Variants in FAM117B observed in about 807,000 individuals in gnomAD.
FAM117B encodes the protein family with sequence similarity 117 member B.
Under a neutral mutation model 52.8 loss-of-function variants are expected in FAM117B, and 22 were observed. That is an observed-to-expected ratio of 0.42 (90% confidence interval 0.30 to 0.59). The LOEUF (loss-of-function observed/expected upper bound fraction) is 0.59. FAM117B is among the 20% of genes least tolerant of loss of function. The pLI is 0.22. For missense variants in FAM117B, 678 were observed against 802.6 expected (o/e 0.84, Z 1.88); for synonymous variants, 309 against 324.1 (o/e 0.95, Z 0.50).
chr2:202,707,215 A>T (rs958632017), intron 2 of FAM117B, among the ~76,000 whole-genome samples: 19 of 144,398 alleles, frequency 1.3e-4, no homozygotes, highest in African/African-American at 4.3e-4. Flanking sequence ...CTAATTTTTA[A>T]TTTTTTTTTT....
At chr2:202,644,072 T>TTTTTTTTTTTTTTTTTTTTTTTTTA (rs1689819328) in intron 1 of FAM117B, among the ~76,000 whole-genome samples, 1 of 146,186 alleles carries the variant, frequency 6.8e-6, no homozygotes, top group Non-Finnish European at 1.5e-5. Flanking sequence ...TTGTTTTTTT[T>TTTTTTTTTTTTTTTTTTTTTTTTTA]TTTTTTTTTT....
intron 1 of FAM117B, among the ~76,000 whole-genome samples, chr2:202,665,875 A>C (rs1690197748): frequency 6.6e-6 from 1 of 152,220 alleles, no homozygotes; most frequent in Non-Finnish European, 1.5e-5. Flanking sequence ...TGCTGGGATT[A>C]CAGGCGTGAG....
At chr2:202,744,123 T>C (rs1411699913) in intron 4 of FAM117B, among the ~76,000 whole-genome samples, 1 of 152,046 alleles carries the variant, frequency 6.6e-6, no homozygotes, top group Non-Finnish European at 1.5e-5. Context: ...AAGAGAGAAG[T>C]GTCAAGTCAC....
intron 4 of FAM117B, among the ~76,000 whole-genome samples, chr2:202,746,666 CACAT>C (rs1272667777): frequency 1.3e-5 from 2 of 152,024 alleles, no homozygotes; most frequent in African/African-American, 2.4e-5. Context: ...ATTTCATTGA[CACAT>C]ACAGCCTACC....
At chr2:202,718,949 C>CG (rs982180003) in intron 2 of FAM117B, among the ~76,000 whole-genome samples, 1 of 152,136 alleles carries the variant, frequency 6.6e-6, no homozygotes, top group Non-Finnish European at 1.5e-5. Flanking sequence ...AGAAGCTCTT[C>CG]GAGAATAAGA....
At chr2:202,700,760 C>T (rs1024181964) in intron 2 of FAM117B, among the ~76,000 whole-genome samples, 1 of 149,826 alleles carries the variant, frequency 6.7e-6, no homozygotes, top group Non-Finnish European at 1.5e-5. Flanking sequence ...AGTCATAGCT[C>T]GGTACAACCT....
chr2:202,710,684 A>G (rs1319091496), intron 2 of FAM117B, among the ~76,000 whole-genome samples: 4 of 151,960 alleles, frequency 2.6e-5, no homozygotes, highest in Admixed American at 2.0e-4. Flanking sequence ...TTTTGTACCC[A>G]TTAACCATCC....
intron 1 of FAM117B, among the ~76,000 whole-genome samples, chr2:202,640,769 C>T (rs1345597661): frequency 1.6e-4 from 24 of 151,882 alleles, no homozygotes; most frequent in Admixed American, 1.6e-3. Flanking sequence ...GCCACTATGC[C>T]CAGCTAATTT....
Position 202,759,412 on chromosome 2 carries a change from T to C in FAM117B, c.1451+59T>C, listed in dbSNP as rs182949498. On this transcript the variant is annotated intron_variant, in intron 7 of 7. Coordinates refer to ENST00000392238, the MANE Select transcript of FAM117B (RefSeq NM_173511.4). ...CTATTATGAGCTTTTTTTTTTGAGA[T>C]AGGATCTCACTCTGTCATCTAGGCT... 2.1e-4 allele frequency: 324 copies of C among 1,579,650 alleles called. 2 individuals are homozygous for C. In the African/African-American group the frequency reaches 3.9e-3, roughly 19 times the overall value.
At chr2:202,709,580 C>A (rs1443446250) in intron 2 of FAM117B, among the ~76,000 whole-genome samples, 1 of 152,156 alleles carries the variant, frequency 6.6e-6, no homozygotes, top group Non-Finnish European at 1.5e-5. Context: ...AGCCTCTTAT[C>A]AAATATATAG....
intron 1 of FAM117B, among the ~76,000 whole-genome samples, chr2:202,687,481 C>T (rs1690559628): frequency 6.6e-6 from 1 of 152,198 alleles, no homozygotes; most frequent in Non-Finnish European, 1.5e-5. Flanking sequence ...TCAATCATAG[C>T]TCACTCCGAC....
At chr2:202,745,022 C>G (rs1164222284) in intron 4 of FAM117B, among the ~76,000 whole-genome samples, 1 of 140,062 alleles carries the variant, frequency 7.1e-6, no homozygotes. Context: ...TCTTTCATGC[C>G]TGTAATCCTA....
At chr2:202,671,889 C>G (rs1690304930) in intron 1 of FAM117B, among the ~76,000 whole-genome samples, 1 of 152,196 alleles carries the variant, frequency 6.6e-6, no homozygotes, top group Non-Finnish European at 1.5e-5. Context: ...TGGCAGAGCT[C>G]TCTTCCAATC....
At chr2:202,739,369 C>T (rs1691489018) in intron 4 of FAM117B, among the ~76,000 whole-genome samples, 1 of 151,548 alleles carries the variant, frequency 6.6e-6, no homozygotes, top group Non-Finnish European at 1.5e-5. Flanking sequence ...TTTCCTTTTC[C>T]TTTTCCCTTT....
At position 202,766,345 on chromosome 2, in the gene FAM117B, A is replaced by T. The variant is rs946861622; in HGVS notation, c.*581A>T. ...AGGGATTGTTGACGTTTTCCCAGCA[A>T]TCTTAATCTCATGACTATGTTCTTC... On this transcript the variant is annotated 3_prime_UTR_variant, in exon 8 of 8. Coordinates refer to ENST00000392238, the MANE Select transcript of FAM117B (RefSeq NM_173511.4). 6.5e-6 allele frequency: 1 copy of T among 152,896 alleles called. No individual in the cohort carries two copies. The highest frequency in any genetic ancestry group is 6.5e-5 in the Admixed American group (1 of 15,292). The allele number at this position is 152,896 out of a possible 1,614,324, so 9.5% of individuals were successfully genotyped here.
At chr2:202,643,412 G>A (rs1049629038) in intron 1 of FAM117B, among the ~76,000 whole-genome samples, 1 of 152,148 alleles carries the variant, frequency 6.6e-6, no homozygotes, top group Non-Finnish European at 1.5e-5. Flanking sequence ...AAGGGCGTAG[G>A]TTAAGATGAT....
At chr2:202,641,726 C>T (rs1245013175) in intron 1 of FAM117B, among the ~76,000 whole-genome samples, 2 of 151,360 alleles carry the variant, frequency 1.3e-5, no homozygotes, top group African/African-American at 4.9e-5. Context: ...GTAACCTCCG[C>T]CTCCTGGGTT....
intron 1 of FAM117B, among the ~76,000 whole-genome samples, chr2:202,642,701 A>G (rs546778274): frequency 4.3e-4 from 66 of 152,304 alleles, no homozygotes; most frequent in African/African-American, 1.5e-3. Flanking sequence ...TGGGGGTAAA[A>G]ATTAGGACTC....
intron 4 of FAM117B, among the ~76,000 whole-genome samples, chr2:202,733,101 A>G (rs1422982370): frequency 6.6e-6 from 1 of 152,100 alleles, no homozygotes; most frequent in African/African-American, 2.4e-5. Context: ...GTGACATCAC[A>G]TATTGGTAGG....
Sources: gnomAD v4.1 joint callset for allele counts (sites outside exome capture counted in the v4.1 genomes callset) on GRCh38, gnomAD v4.1.1 for gene constraint, MANE v1.5 for transcripts, NCBI Gene and HGNC (gene_info 2026-07-23, HGNC 2026-07-21) for gene names.